CACNB1: variants seen among roughly 807,000 people sequenced by gnomAD.
CACNB1 encodes calcium voltage-gated channel auxiliary subunit beta 1.
A neutral mutation model predicts 71.6 loss-of-function variants in CACNB1; 29 were observed. That is an observed-to-expected ratio of 0.40 (90% CI 0.30 to 0.55). The LOEUF (loss-of-function observed/expected upper bound fraction) is 0.55, where lower values mean the gene tolerates loss of function less well. Among genes scored for constraint, CACNB1 ranks in the 20% least tolerant of loss-of-function variants. The pLI, the probability that CACNB1 is intolerant of heterozygous loss-of-function variation, is 0.38. For synonymous variants in CACNB1, 300 were observed against 319.6 expected (o/e 0.94, Z 0.65); for missense variants, 623 against 801.8 (o/e 0.78, Z 2.69).
At chr17:39,188,545 G>C (rs2045997316) in intron 3 of CACNB1, among the ~76,000 whole-genome samples, 1 of 151,918 alleles carries the variant, frequency 6.6e-6, no homozygotes, top group South Asian at 2.1e-4. Context: ...CTATACTCCA[G>C]CATGGATGAC....
At chr17:39,185,556 G>GCCCCC in intron 6 of CACNB1, among the ~76,000 whole-genome samples, 1 of 149,946 alleles carries the variant, frequency 6.7e-6, no homozygotes, top group African/African-American at 2.5e-5. Flanking sequence ...GCAGCCAGCA[G>GCCCCC]CCCCCCCCCA....
Position 39,175,614 on chromosome 17 carries a change from G to A in CACNB1, c.1376C>T (p.Thr459Ile). The A allele has an allele frequency of 3.8e-6, 6 of 1,589,616 alleles. No homozygotes were observed. In the South Asian group the frequency reaches 5.7e-5, roughly 15 times the overall value. Reference sequence around the variant, plus strand: ...CTCGTGCATGCTGGCGTGCTCCCCGGTGGCCCGTTCCAGTGGCTGGTCCCC... The same window carrying A: ...CTCGTGCATGCTGGCGTGCTCCCCGATGGCCCGTTCCAGTGGCTGGTCCCC... ...ASGDQPLERA[T>I]GEHASMHEYP... The change falls in exon 14 of 14, where the codon ACC (threonine) becomes ATC (isoleucine). Residue 459 changes from threonine to isoleucine, a missense_variant. Coordinates refer to ENST00000394303, the MANE Select transcript of CACNB1 (RefSeq NM_000723.5). The surrounding 1 kb of genome is among the most constrained non-coding windows in gnomAD (Gnocchi z 4.7).
rs1173135037 is a variant in CACNB1, at chr17:39,184,774, G to A, written c.729+10C>T. Reference sequence around the variant, plus strand: ...CCCCTCTGCATCCACTCCCCTCTAGGAAGTCCTACCTCGTAGCCCTTGAGC... The same window carrying A: ...CCCCTCTGCATCCACTCCCCTCTAGAAAGTCCTACCTCGTAGCCCTTGAGC... On this transcript the variant is annotated intron_variant, in intron 8 of 13. Transcript: ENST00000394303. 32 of 1,590,942 alleles carry A rather than the reference G, an allele frequency of 2.0e-5. No homozygotes were observed. Among genetic ancestry groups the A allele is most frequent in the Non-Finnish European group, 2.7e-5 (31 of 1,159,298 alleles).
chr17:39,182,910 C>T (rs956863204), intron 11 of CACNB1: 17 of 962,162 alleles, frequency 1.8e-5, no homozygotes, highest in East Asian at 1.2e-4. Context: ...TAAATCAATA[C>T]GTAAACCAAT....
chr17:39,191,918 CT>C, intron 2 of CACNB1: 1 of 352,446 alleles, frequency 2.8e-6, no homozygotes, highest in South Asian at 3.0e-5. Flanking sequence ...GGACGAGTCT[CT>C]ACTCCCACTG....
At position 39,175,156 on chromosome 17, in the gene CACNB1, C is replaced by A. The variant is rs750869756; in HGVS notation, c.*37G>T. The A allele has an allele frequency of 8.4e-6, 13 of 1,539,338 alleles. No homozygotes were observed. Among genetic ancestry groups the A allele is most frequent in the African/African-American group, 1.4e-5 (1 of 73,262 alleles). On this transcript the variant is annotated 3_prime_UTR_variant, in exon 14 of 14. Transcript: ENST00000394303. The surrounding 1 kb of genome is among the most constrained non-coding windows in gnomAD (Gnocchi z 4.7). ...CCCTCGCTCCCTCCCCTCCCCTGGGCTCAGAGCCCTTCCTCCCGCCGTGTG... is the reference window on the plus strand; with the variant it reads ...CCCTCGCTCCCTCCCCTCCCCTGGGATCAGAGCCCTTCCTCCCGCCGTGTG...
chr17:39,195,201 CA>C (rs1310815225), intron 1 of CACNB1: 2 of 436,224 alleles, frequency 4.6e-6, no homozygotes, highest in Non-Finnish European at 8.1e-6. Context: ...AAGAGAGCCC[CA>C]GAAGACCCAC....
chr17:39,186,719 A>G lies in CACNB1; in HGVS notation c.551+74T>C. On this transcript the variant is annotated intron_variant, in intron 5 of 13. Transcript: ENST00000394303. The surrounding 1 kb of genome is among the most constrained non-coding windows in gnomAD (Gnocchi z 4.1). ...TGTGCCCTCAGGGCCAGGGACAACC[A>G]TTGAGGCCTAGTCCAGGCTGTATGG... 6.3e-7 allele frequency: 1 copy of G among 1,584,364 alleles called. No individual in the cohort carries two copies. The highest frequency in any genetic ancestry group is 8.6e-7 in the Non-Finnish European group (1 of 1,156,714).
chr17:39,186,723 AGGCCTAGTCCAGGCTGTAT>A lies in CACNB1; in HGVS notation c.551+51_551+69del, dbSNP rs1295492913. ...CCCTCAGGGCCAGGGACAACCATTGAGGCCTAGTCCAGGCTGTATGGCCTCTCCTGGGGTTGGCAGCATC... is the reference window on the plus strand; with the variant it reads ...CCCTCAGGGCCAGGGACAACCATTGAGGCCTCTCCTGGGGTTGGCAGCATC... On this transcript the variant is annotated intron_variant, in intron 5 of 13. Transcript: ENST00000394303. The surrounding 1 kb of genome is among the most constrained non-coding windows in gnomAD (Gnocchi z 4.1). The A allele has an allele frequency of 6.3e-7, 1 of 1,588,448 alleles. No homozygotes were observed. Among genetic ancestry groups the A allele is most frequent in the Non-Finnish European group, 8.6e-7 (1 of 1,160,214 alleles).
At chr17:39,192,553 G>A (rs369093364) in intron 2 of CACNB1, 1 of 152,674 alleles carries the variant, frequency 6.5e-6, no homozygotes, top group South Asian at 2.1e-4. Flanking sequence ...CCAGACATCT[G>A]TGACCCTGAG....
chr17:39,185,177 G>A (rs1457273976), intron 6 of CACNB1, 27 bp from the exon 7 acceptor site: 1 of 1,607,966 alleles, frequency 6.2e-7, no homozygotes, highest in Non-Finnish European at 8.5e-7. Context: ...CCAAGAGAGG[G>A]AAGGGGGAGG....
intron 1 of CACNB1, among the ~76,000 whole-genome samples, chr17:39,195,565 G>A (rs1263035048): frequency 6.6e-6 from 1 of 152,168 alleles, no homozygotes; most frequent in African/African-American, 2.4e-5. Flanking sequence ...AGATTTCTGG[G>A]GAGGGAGTAG....
chr17:39,175,500 T>C lies in CACNB1; in HGVS notation c.1490A>G (p.Gln497Arg), dbSNP rs1191060386. The C allele has an allele frequency of 6.2e-7, 1 of 1,613,950 alleles. No individual in the cohort carries two copies. ...GGGGGTGTCGGCATCAAAAGTGTCT[T>C]GGCGGGACAGTGCCCGTAGCGTGCC... ...RAGTLRALSR[Q>R]DTFDADTPGS... The change falls in exon 14 of 14, where the codon CAA (glutamine) becomes CGA (arginine). Residue 497 changes from glutamine to arginine, a missense_variant. Gln to Arg is a conservative substitution (Grantham distance 43). Transcript: ENST00000394303. This position sits in a 1 kb window ranked among gnomAD's most constrained non-coding sequence, Gnocchi z 4.7.
intron 4 of CACNB1, 77 bp from the exon 5 acceptor site, chr17:39,187,006 G>A: frequency 6.6e-7 from 1 of 1,514,816 alleles, no homozygotes; most frequent in Non-Finnish European, 9.1e-7. Flanking sequence ...CTCTCTAGGG[G>A]AAACGCCCAG....
In CACNB1 at chr17:39,184,054, C is replaced by T. The variant is rs1158076735; in HGVS notation, c.875G>A (p.Arg292His). 5 of 1,612,758 alleles carry T rather than the reference C, an allele frequency of 3.1e-6. No homozygotes were observed. Among genetic ancestry groups the T allele is most frequent in the African/African-American group, 1.3e-5 (1 of 74,832 alleles). Residue 292 changes from arginine (R) to histidine (H), a missense_variant, in exon 10 of 14, where the codon CGC becomes CAC. Transcript: ENST00000394303. ...ACCCAGGCTGGAGCGTGTGTTGGAG[C>T]GCTCAATGATGATGTGTTTGCTGGG... The part of the protein sequence containing the change: ...NNPSKHIIIE[R>H]SNTRSSLAEV...
chr17:39,182,929 G>T, intron 11 of CACNB1: 1 of 981,284 alleles, frequency 1.0e-6, no homozygotes, highest in Non-Finnish European at 1.2e-6. Context: ...ATCAGAGCTT[G>T]AATTTCAAGC....
intron 11 of CACNB1, among the ~76,000 whole-genome samples, chr17:39,183,337 A>AAGAAGAAG (rs1555581644): frequency 2.3e-5 from 3 of 130,186 alleles, no homozygotes; most frequent in African/African-American, 7.6e-5. Flanking sequence ...GACTTAAAAA[A>AAGAAGAAG]AAGAAGAAGA....
At chr17:39,181,066 C>A (rs547741030) in intron 11 of CACNB1, among the ~76,000 whole-genome samples, 1 of 152,006 alleles carries the variant, frequency 6.6e-6, no homozygotes, top group Non-Finnish European at 1.5e-5. Flanking sequence ...AGATATAGTT[C>A]TGGGATACCA....
At chr17:39,190,869 C>G (rs1193474918) in intron 3 of CACNB1, among the ~76,000 whole-genome samples, 1 of 152,086 alleles carries the variant, frequency 6.6e-6, no homozygotes, top group African/African-American at 2.4e-5. Context: ...GTATTATTAT[C>G]TTCCTTTTAA....
Sources: gnomAD v4.1 joint callset for allele counts (sites outside exome capture counted in the v4.1 genomes callset) on GRCh38, gnomAD v4.1.1 for gene constraint, Gnocchi (gnomAD v3.1) non-coding constraint, MANE v1.5 for transcripts, NCBI Gene and HGNC (gene_info 2026-07-23, HGNC 2026-07-21) for gene names.